COL6A6: variants seen among roughly 807,000 people sequenced by gnomAD.
COL6A6 encodes collagen type VI alpha 6 chain.
A neutral mutation model predicts 208.6 loss-of-function variants in COL6A6; 183 were observed. The ratio of observed to expected loss-of-function variants is 0.88; its 90% confidence interval spans 0.78 to 0.99. COL6A6 has a LOEUF of 0.99. Among genes scored for constraint, COL6A6 ranks in the 50% least tolerant of loss-of-function variants. The probability of loss-of-function intolerance (pLI) is 0.00; values close to 1 mark genes in which losing one functional copy is unlikely to be tolerated. For synonymous variants in COL6A6, 973 were observed against 1,011.8 expected (o/e 0.96, Z 0.73); for missense variants, 2,816 against 2,815.2 (o/e 1.00, Z -0.01).
intron 12 of COL6A6, among the ~76,000 whole-genome samples, chr3:130,590,795 C>T (rs1456137761): frequency 6.6e-6 from 1 of 151,922 alleles, no homozygotes; most frequent in East Asian, 1.9e-4. Context: ...TCTCGATCTC[C>T]TGGCCTCTTG....
At chr3:130,665,438 T>G (rs2066051362) in intron 36 of COL6A6, among the ~76,000 whole-genome samples, 1 of 152,124 alleles carries the variant, frequency 6.6e-6, no homozygotes, top group South Asian at 2.1e-4. Context: ...AAGTCCTAAT[T>G]CTAGATTGCC....
intron 28 of COL6A6, among the ~76,000 whole-genome samples, chr3:130,639,083 C>G (rs1263413833): frequency 1.3e-5 from 2 of 152,072 alleles, no homozygotes; most frequent in Non-Finnish European, 2.9e-5. Flanking sequence ...TATTAATTTT[C>G]TTATTTTTTC....
At chr3:130,643,441 G>C (rs962690544) in intron 31 of COL6A6, among the ~76,000 whole-genome samples, 1 of 151,930 alleles carries the variant, frequency 6.6e-6, no homozygotes, top group Non-Finnish European at 1.5e-5. Flanking sequence ...TCCTGACTTT[G>C]GTTTATTGTT....
intron 36 of COL6A6, among the ~76,000 whole-genome samples, chr3:130,670,266 CA>C (rs1480884555): frequency 6.6e-6 from 1 of 152,198 alleles, no homozygotes; most frequent in African/African-American, 2.4e-5. Context: ...TTGCCGAGGA[CA>C]GTATCTTTGG....
intron 5 of COL6A6, among the ~76,000 whole-genome samples, chr3:130,567,519 A>T (rs767224559): frequency 6.6e-6 from 1 of 152,204 alleles, no homozygotes; most frequent in Non-Finnish European, 1.5e-5. Context: ...TCTTGCCAGG[A>T]TAGATATATG....
At chr3:130,611,968 G>T (rs1265899380) in intron 23 of COL6A6, among the ~76,000 whole-genome samples, 1 of 151,958 alleles carries the variant, frequency 6.6e-6, no homozygotes, top group Non-Finnish European at 1.5e-5. Context: ...AGTGCCTGTT[G>T]TTCCCCTCTT....
chr3:130,538,317 AG>A (rs1286978116), intron 1 of COL6A6, among the ~76,000 whole-genome samples: 2 of 152,258 alleles, frequency 1.3e-5, no homozygotes, highest in Non-Finnish European at 2.9e-5. Context: ...ATGTTATACA[AG>A]CCTGTAGACA....
chr3:130,664,438 TA>T (rs1184035985), intron 35 of COL6A6, among the ~76,000 whole-genome samples: 3 of 152,178 alleles, frequency 2.0e-5, no homozygotes, highest in African/African-American at 4.8e-5. Context: ...TTCAAAGAAA[TA>T]GATAATACAT....
At chr3:130,621,963 C>T (rs2064733120) in intron 24 of COL6A6, 80 bp downstream of exon 24, 4 of 1,199,588 alleles carry the variant, frequency 3.3e-6, no homozygotes, top group East Asian at 2.4e-5. Flanking sequence ...AGCCAGGGCC[C>T]TTTCAACACA....
chr3:130,543,132 C>T (rs2062412649), intron 1 of COL6A6, among the ~76,000 whole-genome samples: 1 of 152,112 alleles, frequency 6.6e-6, no homozygotes, highest in Non-Finnish European at 1.5e-5. Flanking sequence ...TCTCGATGTC[C>T]TGACCTCGTG....
At chr3:130,551,476 G>T (rs1332721074) in intron 1 of COL6A6, among the ~76,000 whole-genome samples, 1 of 152,090 alleles carries the variant, frequency 6.6e-6, no homozygotes, top group East Asian at 1.9e-4. Context: ...AGGAATCGGA[G>T]TTTTTTGTAT....
chr3:130,645,279 T>G (rs918024558), intron 32 of COL6A6, among the ~76,000 whole-genome samples: 1 of 152,164 alleles, frequency 6.6e-6, no homozygotes, highest in Non-Finnish European at 1.5e-5. Context: ...CCATTCACCT[T>G]GCTTTTAAAG....
At chr3:130,638,782 T>C (rs1221554239) in intron 28 of COL6A6, among the ~76,000 whole-genome samples, 1 of 152,232 alleles carries the variant, frequency 6.6e-6, no homozygotes, top group Non-Finnish European at 1.5e-5. Context: ...CTAACTTCTT[T>C]TGTTACTTGG....
chr3:130,666,968 A>T (rs2066090400), intron 36 of COL6A6, among the ~76,000 whole-genome samples: 1 of 152,214 alleles, frequency 6.6e-6, no homozygotes, highest in African/African-American at 2.4e-5. Flanking sequence ...AATAAATTGT[A>T]ATTAGGCTGG....
At chr3:130,658,607 C>T in intron 33 of COL6A6, 69 bp from the exon 34 acceptor site, 3 of 978,494 alleles carry the variant, frequency 3.1e-6, no homozygotes, top group Non-Finnish European at 4.8e-6. Context: ...TGTCAGTTCT[C>T]TATGTAGTCC....
chr3:130,527,840 A>G (rs1362208180), intron 1 of COL6A6, among the ~76,000 whole-genome samples: 3 of 149,792 alleles, frequency 2.0e-5, no homozygotes, highest in Non-Finnish European at 4.4e-5. Context: ...TGGTCAGCAT[A>G]GTAACTTTAT....
chr3:130,656,935 G>T (rs2065806377), intron 33 of COL6A6, among the ~76,000 whole-genome samples: 1 of 152,270 alleles, frequency 6.6e-6, no homozygotes, highest in Non-Finnish European at 1.5e-5. Context: ...GCAGAGAGAG[G>T]CTAGGTAGCA....
At chr3:130,649,738 T>C (rs2065579903) in intron 33 of COL6A6, among the ~76,000 whole-genome samples, 176 bp downstream of exon 33, 1 of 150,394 alleles carries the variant, frequency 6.6e-6, no homozygotes, top group South Asian at 2.2e-4. Context: ...TTAAGCTCTT[T>C]CTATTAAATG....
At chr3:130,598,522 A>C in intron 19 of COL6A6, 92 bp downstream of exon 19, 1 of 867,846 alleles carries the variant, frequency 1.2e-6, no homozygotes, top group Admixed American at 2.3e-5. Flanking sequence ...AAAAAACTGG[A>C]ATCAAAGTGG....
Sources: gnomAD v4.1 joint callset for allele counts (sites outside exome capture counted in the v4.1 genomes callset) on GRCh38, gnomAD v4.1.1 for gene constraint, MANE v1.5 for transcripts, NCBI Gene and HGNC (gene_info 2026-07-23, HGNC 2026-07-21) for gene names.